GLIS3: variants seen among roughly 807,000 people sequenced by gnomAD.
GLIS3 encodes zinc finger protein GLIS3.
GLIS3 carries 53 observed loss-of-function variants against 78.6 expected under a neutral mutation model. That is an observed-to-expected ratio of 0.67 (90% confidence interval 0.54 to 0.85). The LOEUF (loss-of-function observed/expected upper bound fraction) is 0.85, where lower values mean the gene tolerates loss of function less well. GLIS3 is among the 40% of genes least tolerant of loss of function. The probability of loss-of-function intolerance (pLI) is 0.00; values close to 1 mark genes in which losing one functional copy is unlikely to be tolerated. For missense variants in GLIS3, 1,703 were observed against 1,231.1 expected, an observed-to-expected ratio of 1.38 and a Z score of -5.74; for synonymous variants, 684 against 509.9, an observed-to-expected ratio of 1.34 and a Z score of -4.60.
chr9:4,400,995 G>A, the GLIS3 span, among the ~76,000 whole-genome samples: 2 of 152,132 alleles, frequency 1.3e-5, no homozygotes, highest in Non-Finnish European at 2.9e-5. Context: ...TAGCTACTGT[G>A]GCTATGATGA....
At chr9:4,147,133 A>G (rs1234807848) in intron 2 of GLIS3, among the ~76,000 whole-genome samples, 1 of 152,188 alleles carries the variant, frequency 6.6e-6, no homozygotes, top group Non-Finnish European at 1.5e-5. Context: ...TATGCAGGCA[A>G]TATCCTAAGA....
At chr9:4,430,494 G>A in the GLIS3 span, among the ~76,000 whole-genome samples, 6 of 152,174 alleles carry the variant, frequency 3.9e-5, no homozygotes, top group South Asian at 6.2e-4. Flanking sequence ...TTTGGGCAGG[G>A]CCCTCATAAA....
chr9:4,327,685 G>C (rs1208896558), intron 2 of GLIS3, among the ~76,000 whole-genome samples: 3 of 152,196 alleles, frequency 2.0e-5, no homozygotes, highest in African/African-American at 7.2e-5. Flanking sequence ...CACAACTCCA[G>C]GGGGCGCCAT....
chr9:4,097,095 G>A (rs1051364325), intron 4 of GLIS3, among the ~76,000 whole-genome samples: 33 of 152,200 alleles, frequency 2.2e-4, no homozygotes, highest in African/African-American at 7.7e-4. Flanking sequence ...CTTACTCCAT[G>A]GGGAGGGCTT....
At chr9:4,337,510 T>C (rs1817771803) in intron 2 of GLIS3, among the ~76,000 whole-genome samples, 1 of 152,226 alleles carries the variant, frequency 6.6e-6, no homozygotes, top group South Asian at 2.1e-4. Context: ...TTCTGAACAT[T>C]TCTATGTACT....
chr9:4,374,360 T>C, the GLIS3 span, among the ~76,000 whole-genome samples: 8 of 152,266 alleles, frequency 5.3e-5, no homozygotes, highest in Non-Finnish European at 1.0e-4. Context: ...GTGGATACTT[T>C]TGACTGTTCT....
At chr9:4,310,015 G>T (rs1817322250) in intron 3 of GLIS3, among the ~76,000 whole-genome samples, 1 of 152,224 alleles carries the variant, frequency 6.6e-6, no homozygotes, top group South Asian at 2.1e-4. Flanking sequence ...ATTTGGCTTT[G>T]ATCTGAGTTG....
At chr9:3,878,483 T>A (rs947126236) in intron 8 of GLIS3, 16 of 152,186 alleles carry the variant, frequency 1.1e-4, no homozygotes, top group African/African-American at 3.6e-4. Context: ...AACCACATAT[T>A]ACCAAACTCA....
intron 1 of GLIS3, among the ~76,000 whole-genome samples, chr9:4,294,680 T>C (rs1052807143): frequency 1.3e-5 from 2 of 148,956 alleles, no homozygotes; most frequent in South Asian, 2.2e-4. Flanking sequence ...TTCACTTTCC[T>C]GTCTAAATTC....
rs544237210 is a variant in GLIS3 at position 4,307,491 on chromosome 9, G to A, written n.584+1286C>T. Among the ~76,000 whole-genome samples the A allele has an allele frequency of 1.8e-3, 267 of 152,066 alleles. 2 individuals are homozygous for A. The highest frequency in any genetic ancestry group is 6.3e-3 in the African/African-American group (260 of 41,454). On this transcript the variant is annotated intron_variant and non_coding_transcript_variant, in intron 4 of 4. Transcript: ENST00000471664. ...TTTACTATCCACCTCCTCTTACTCTGTGAGGCTTTCTCTGATAGGGAGAAT... is the reference window on the plus strand; with the variant it reads ...TTTACTATCCACCTCCTCTTACTCTATGAGGCTTTCTCTGATAGGGAGAAT...
At chr9:4,286,631 A>G in intron 1 of GLIS3, 108 bp from the exon 2 acceptor site, 1 of 637,172 alleles carries the variant, frequency 1.6e-6, no homozygotes, top group South Asian at 1.9e-5. Flanking sequence ...CAGCACTCTT[A>G]GCAAGATGGC....
intron 4 of GLIS3, among the ~76,000 whole-genome samples, chr9:4,082,924 T>C (rs974437708): frequency 1.3e-5 from 2 of 152,158 alleles, no homozygotes; most frequent in South Asian, 2.1e-4. Flanking sequence ...CATAAAAAAG[T>C]TATGTTTTGG....
the GLIS3 span, among the ~76,000 whole-genome samples, chr9:4,443,203 C>G: frequency 6.6e-6 from 1 of 152,202 alleles, no homozygotes; most frequent in Non-Finnish European, 1.5e-5. Flanking sequence ...TAGTAACAAG[C>G]TACTGTCTGC....
chr9:4,450,869 C>A, the GLIS3 span, among the ~76,000 whole-genome samples: 2 of 152,176 alleles, frequency 1.3e-5, no homozygotes, highest in African/African-American at 4.8e-5. Context: ...TGGAAACAAA[C>A]AACTGGTACC....
At chr9:4,418,328 A>T in the GLIS3 span, among the ~76,000 whole-genome samples, 1 of 152,226 alleles carries the variant, frequency 6.6e-6, no homozygotes, top group Non-Finnish European at 1.5e-5. Context: ...AAAGATAGAC[A>T]TGCAGATTGT....
chr9:4,093,403 G>A (rs1054467708), intron 4 of GLIS3, among the ~76,000 whole-genome samples: 6 of 152,206 alleles, frequency 3.9e-5, no homozygotes, highest in African/African-American at 1.4e-4. Flanking sequence ...CAAAGCATGT[G>A]GAAGACAGAG....
the GLIS3 span, among the ~76,000 whole-genome samples, chr9:4,381,848 G>A: frequency 6.6e-6 from 1 of 152,200 alleles, no homozygotes; most frequent in African/African-American, 2.4e-5. Context: ...CTTTGTTTCT[G>A]CTGTTGGTTC....
At chr9:4,410,215 G>C in the GLIS3 span, among the ~76,000 whole-genome samples, 2 of 150,948 alleles carry the variant, frequency 1.3e-5, no homozygotes, top group African/African-American at 2.4e-5. Flanking sequence ...GGCCTCAAGC[G>C]ATCCACCTGC....
At chr9:4,244,460 G>A (rs1223567250) in intron 2 of GLIS3, among the ~76,000 whole-genome samples, 1 of 152,146 alleles carries the variant, frequency 6.6e-6, no homozygotes, top group African/African-American at 2.4e-5. Context: ...CAAAAAGAAA[G>A]CAGGTTGTTT....
Sources: gnomAD v4.1 joint callset for allele counts (sites outside exome capture counted in the v4.1 genomes callset) on GRCh38, gnomAD v4.1.1 for gene constraint, MANE v1.5 for transcripts, NCBI Gene and HGNC (gene_info 2026-07-23, HGNC 2026-07-21) for gene names.